The following ZSCAN4 variants were observed in gnomAD, a reference collection of about 807,000 sequenced individuals.
The protein encoded by ZSCAN4 is zinc finger and SCAN domain-containing protein 4.
In ZSCAN4, 18 loss-of-function variants were observed where a neutral mutation model predicts 18.3. The observed-to-expected ratio is 0.98, with a 90% CI of 0.68 to 1.46. The LOEUF (loss-of-function observed/expected upper bound fraction) is 1.46, where lower values mean the gene tolerates loss of function less well. ZSCAN4 is among the 40% of genes most tolerant of loss of function. ZSCAN4 has a pLI of 0.00. For missense variants in ZSCAN4, 498 were observed against 511.4 expected (o/e 0.97, Z 0.25); for synonymous variants, 193 against 180.3 (o/e 1.07, Z -0.57).
At chr19:57,677,770 A>G in intron 3 of ZSCAN4, 144 bp from the exon 4 acceptor site, 1 of 624,168 alleles carries the variant, frequency 1.6e-6, no homozygotes, top group South Asian at 4.0e-5. Flanking sequence ...AGTAACAAGA[A>G]TAACACCATC....
chr19:57,663,812 T>C, the ZSCAN4 span, among the ~76,000 whole-genome samples: 3 of 151,920 alleles, frequency 2.0e-5, no homozygotes, highest in African/African-American at 4.8e-5. Context: ...TTTTATTGAA[T>C]TGTAATAAAA....
the ZSCAN4 span, among the ~76,000 whole-genome samples, chr19:57,663,794 T>G: frequency 6.6e-6 from 1 of 152,056 alleles, no homozygotes; most frequent in Non-Finnish European, 1.5e-5. Flanking sequence ...AATTTTGATT[T>G]GTTTAAATTT....
chr19:57,676,229 C>T, exon 3 of ZSCAN4: 1 of 1,613,974 alleles, frequency 6.2e-7, no homozygotes, highest in South Asian at 1.1e-5. Context: ...TTCAACAAAG[C>T]CAAGGACCTG....
At chr19:57,660,306 G>A in the ZSCAN4 span, among the ~76,000 whole-genome samples, 1 of 152,172 alleles carries the variant, frequency 6.6e-6, no homozygotes, top group Non-Finnish European at 1.5e-5. Flanking sequence ...CTGTCTATAT[G>A]CCACAGATAA....
At chr19:57,662,885 T>G in the ZSCAN4 span, among the ~76,000 whole-genome samples, 6 of 151,558 alleles carry the variant, frequency 4.0e-5, no homozygotes, top group Non-Finnish European at 7.4e-5. Flanking sequence ...CTTTGGGTTT[T>G]TTGTTGTTGT....
chr19:57,678,819 C>T (rs775432485), exon 5 of ZSCAN4: 23 of 1,613,910 alleles, frequency 1.4e-5, no homozygotes, highest in Admixed American at 8.3e-5. Context: ...GACAAGCTAC[C>T]GCCAGTCATC....
At chr19:57,652,072 C>T in the ZSCAN4 span, among the ~76,000 whole-genome samples, 1 of 152,098 alleles carries the variant, frequency 6.6e-6, no homozygotes, top group East Asian at 1.9e-4. Context: ...TCTTCTCCAT[C>T]CCTCCTCATG....
At chr19:57,675,019 A>G (rs1397056163) in intron 2 of ZSCAN4, among the ~76,000 whole-genome samples, 1 of 142,074 alleles carries the variant, frequency 7.0e-6, no homozygotes, top group African/African-American at 2.7e-5. Flanking sequence ...CAGTGGCATG[A>G]TCCTGGCTCA....
upstream of ZSCAN4, among the ~76,000 whole-genome samples, chr19:57,668,347 T>C (rs564221313): frequency 1.1e-3 from 163 of 152,234 alleles, no homozygotes; most frequent in South Asian, 2.5e-3. Flanking sequence ...GGGATACTTC[T>C]CTGTATGGAG....
the ZSCAN4 span, among the ~76,000 whole-genome samples, chr19:57,654,466 T>C: frequency 6.6e-6 from 1 of 152,086 alleles, no homozygotes; most frequent in East Asian, 1.9e-4. Flanking sequence ...TCTACATTCC[T>C]TTGTCAGCCC....
At chr19:57,671,511 AGAG>A (rs1300266121) in intron 2 of ZSCAN4, among the ~76,000 whole-genome samples, 20 of 83,982 alleles carry the variant, frequency 2.4e-4, no homozygotes, top group Non-Finnish European at 4.4e-4. Flanking sequence ...AAAAAAAAAA[AGAG>A]AGAGAGAGAG....
chr19:57,656,203 CA>C, the ZSCAN4 span, among the ~76,000 whole-genome samples: 1 of 152,168 alleles, frequency 6.6e-6, no homozygotes, highest in Non-Finnish European at 1.5e-5. Context: ...CAGAGAGCTA[CA>C]GATGCCATAA....
At chr19:57,654,968 C>G in the ZSCAN4 span, among the ~76,000 whole-genome samples, 1 of 152,134 alleles carries the variant, frequency 6.6e-6, no homozygotes, top group Non-Finnish European at 1.5e-5. Context: ...TCTCTGTAGC[C>G]CCTCCCTTAA....
chr19:57,653,514 T>G, the ZSCAN4 span, among the ~76,000 whole-genome samples: 10 of 152,096 alleles, frequency 6.6e-5, no homozygotes, highest in Non-Finnish European at 1.2e-4. Context: ...TCCACTTACA[T>G]TTCATTTCCC....
At chr19:57,657,703 C>A in the ZSCAN4 span, among the ~76,000 whole-genome samples, 1 of 152,052 alleles carries the variant, frequency 6.6e-6, no homozygotes, top group East Asian at 1.9e-4. Flanking sequence ...CCAGGACCCC[C>A]AAGGATACCA....
chr19:57,659,819 C>G, the ZSCAN4 span, among the ~76,000 whole-genome samples: 1 of 152,144 alleles, frequency 6.6e-6, no homozygotes, highest in Non-Finnish European at 1.5e-5. Context: ...CTTACCTACC[C>G]TACAGATCAA....
chr19:57,652,009 G>A, the ZSCAN4 span, among the ~76,000 whole-genome samples: 1 of 152,082 alleles, frequency 6.6e-6, no homozygotes, highest in Non-Finnish European at 1.5e-5. Context: ...TCCTCAGAAT[G>A]CTCACTGCTC....
At chr19:57,659,104 C>A in the ZSCAN4 span, among the ~76,000 whole-genome samples, 2 of 152,094 alleles carry the variant, frequency 1.3e-5, no homozygotes, top group Non-Finnish European at 2.9e-5. Flanking sequence ...TCCTCGCCCC[C>A]TTAAAATATA....
At chr19:57,678,605 C>A in exon 5 of ZSCAN4, 1 of 1,614,050 alleles carries the variant, frequency 6.2e-7, no homozygotes, top group Non-Finnish European at 8.5e-7. Flanking sequence ...AGAGAAGACA[C>A]AGGAATGAGA....
Sources: allele counts gnomAD v4.1 joint callset (sites outside exome capture counted in the v4.1 genomes callset), GRCh38; gene constraint gnomAD v4.1.1; transcripts MANE v1.5; gene names NCBI Gene and HGNC (gene_info 2026-07-23, HGNC 2026-07-21).